Variants in BLTP3A observed in about 807,000 individuals in gnomAD.
BLTP3A encodes ICBP90 binding protein 1.
chr6:34,813,729 T>C, the BLTP3A span, among the ~76,000 whole-genome samples: 54 of 152,344 alleles, frequency 3.5e-4, no homozygotes, highest in Admixed American at 3.1e-3. Flanking sequence ...ACATAATTCT[T>C]CTCAAGAATT....
At chr6:34,857,395 A>C in the BLTP3A span, 1 of 1,614,208 alleles carries the variant, frequency 6.2e-7, no homozygotes, top group Non-Finnish European at 8.5e-7. Flanking sequence ...GAAACTTCAC[A>C]ACCTCCCTAC....
chr6:34,792,341 C>A, the BLTP3A span: 10 of 1,470,404 alleles, frequency 6.8e-6, no homozygotes, highest in African/African-American at 1.4e-5. Context: ...CCCTTCCTAA[C>A]CCTCTCCGAC....
chr6:34,835,965 T>C, the BLTP3A span, among the ~76,000 whole-genome samples: 1 of 152,210 alleles, frequency 6.6e-6, no homozygotes, highest in African/African-American at 2.4e-5. Context: ...AGACTAATTA[T>C]AATTAGGCTT....
At chr6:34,811,707 A>C in the BLTP3A span, among the ~76,000 whole-genome samples, 1 of 140,536 alleles carries the variant, frequency 7.1e-6, no homozygotes, top group Admixed American at 7.0e-5. Flanking sequence ...AAAAATACAA[A>C]AATTTGCCGG....
At chr6:34,794,912 G>C in the BLTP3A span, among the ~76,000 whole-genome samples, 1 of 151,830 alleles carries the variant, frequency 6.6e-6, no homozygotes, top group African/African-American at 2.4e-5. Flanking sequence ...AGCCTCCTGA[G>C]TAGCTGGGAC....
At chr6:34,862,333 G>A in the BLTP3A span, among the ~76,000 whole-genome samples, 1 of 151,692 alleles carries the variant, frequency 6.6e-6, no homozygotes, top group African/African-American at 2.4e-5. Context: ...CTGAGATCAT[G>A]CCACTGCACT....
At chr6:34,804,000 T>C in the BLTP3A span, among the ~76,000 whole-genome samples, 1 of 152,146 alleles carries the variant, frequency 6.6e-6, no homozygotes, top group South Asian at 2.1e-4. Flanking sequence ...TGAGAAAGTG[T>C]CTTCACAGCG....
At chr6:34,867,249 C>T in the BLTP3A span, 1 of 1,613,354 alleles carries the variant, frequency 6.2e-7, no homozygotes, top group African/African-American at 1.3e-5. Context: ...TCTGTTCCAC[C>T]AGGATCTCTT....
the BLTP3A span, among the ~76,000 whole-genome samples, chr6:34,832,180 C>T: frequency 8.0e-5 from 12 of 149,218 alleles, no homozygotes; most frequent in Non-Finnish European, 1.5e-5. Flanking sequence ...AGTGCAGTGT[C>T]ACGATCACAG....
chr6:34,811,087 C>G, the BLTP3A span, among the ~76,000 whole-genome samples: 243 of 152,258 alleles, frequency 1.6e-3, 1 homozygote, highest in East Asian at 0.015. Context: ...CTTAGACACA[C>G]AAACATAGAC....
At chr6:34,865,850 T>C in the BLTP3A span, among the ~76,000 whole-genome samples, 6 of 152,230 alleles carry the variant, frequency 3.9e-5, no homozygotes, top group Non-Finnish European at 8.8e-5. Context: ...ATTTCATGTC[T>C]ATGTACAAAA....
At chr6:34,821,178 A>G in the BLTP3A span, among the ~76,000 whole-genome samples, 2 of 143,528 alleles carry the variant, frequency 1.4e-5, no homozygotes, top group Non-Finnish European at 3.1e-5. Context: ...CTGGTCTCGA[A>G]CTCCCGACCT....
At chr6:34,834,723 T>A in the BLTP3A span, 1 of 1,613,714 alleles carries the variant, frequency 6.2e-7, no homozygotes, top group Non-Finnish European at 8.5e-7. Context: ...CCTTCCAGGT[T>A]TTAACATTTA....
At chr6:34,844,042 G>T in the BLTP3A span, among the ~76,000 whole-genome samples, 1 of 150,874 alleles carries the variant, frequency 6.6e-6, no homozygotes, top group Non-Finnish European at 1.5e-5. Flanking sequence ...GTGCAGTGGC[G>T]TGATCTTTGC....
At chr6:34,870,930 G>T in the BLTP3A span, 6 of 1,614,174 alleles carry the variant, frequency 3.7e-6, no homozygotes, top group Non-Finnish European at 3.4e-6. Context: ...TTGAGGTGGG[G>T]CCTGGAGCAG....
At chr6:34,797,602 T>C in the BLTP3A span, among the ~76,000 whole-genome samples, 1 of 152,230 alleles carries the variant, frequency 6.6e-6, no homozygotes, top group African/African-American at 2.4e-5. Flanking sequence ...TTAGTTATTA[T>C]CACGTTCTTT....
At chr6:34,829,307 C>T in the BLTP3A span, among the ~76,000 whole-genome samples, 59 of 152,120 alleles carry the variant, frequency 3.9e-4, no homozygotes, top group Admixed American at 2.2e-3. Context: ...CTGTCTATGT[C>T]TATTCTGAAC....
chr6:34,847,969 G>A, the BLTP3A span, among the ~76,000 whole-genome samples: 3 of 122,974 alleles, frequency 2.4e-5, no homozygotes, highest in East Asian at 7.3e-4. Flanking sequence ...CACCCAGGCT[G>A]GATGCAGTGG....
the BLTP3A span, among the ~76,000 whole-genome samples, chr6:34,839,416 G>A: frequency 6.6e-6 from 1 of 152,302 alleles, no homozygotes; most frequent in East Asian, 1.9e-4. Flanking sequence ...TTCTGGAGTT[G>A]TTCTGTCCAA....
Sources: gnomAD v4.1 joint callset for allele counts (sites outside exome capture counted in the v4.1 genomes callset) on GRCh38, gnomAD v4.1.1 for gene constraint, MANE v1.5 for transcripts, NCBI Gene and HGNC (gene_info 2026-07-23, HGNC 2026-07-21) for gene names.